MAGI2: variants seen among roughly 807,000 people sequenced by gnomAD.
The protein encoded by MAGI2 is membrane-associated guanylate kinase, WW and PDZ domain-containing protein 2.
Under a neutral mutation model 133.3 loss-of-function variants are expected in MAGI2, and 35 were observed. That is an observed-to-expected ratio of 0.26 (90% CI 0.20 to 0.35). MAGI2 has a LOEUF of 0.35. Ranked by LOEUF, MAGI2 falls within the 10% of genes least tolerant of loss-of-function variation. MAGI2 has a pLI of 1.00. For missense variants in MAGI2, 1,636 were observed against 1,863.4 expected (o/e 0.88, Z 2.25); for synonymous variants, 729 against 710.6 (o/e 1.03, Z -0.41).
At chr7:78,253,230 T>C (rs1792609724) in intron 10 of MAGI2, 1 of 152,196 alleles carries the variant, frequency 6.6e-6, no homozygotes, top group Non-Finnish European at 1.5e-5. Flanking sequence ...TGGAATACTA[T>C]GCAGCCATAA....
At chr7:78,746,328 T>G (rs1470400343) in intron 2 of MAGI2, among the ~76,000 whole-genome samples, 1 of 152,194 alleles carries the variant, frequency 6.6e-6, no homozygotes, top group Non-Finnish European at 1.5e-5. Context: ...TCAAATACAC[T>G]GCTCTTGGCT....
chr7:78,375,220 G>A (rs770312130), intron 6 of MAGI2, among the ~76,000 whole-genome samples: 10 of 152,010 alleles, frequency 6.6e-5, no homozygotes, highest in Middle Eastern at 3.4e-3. Context: ...TTTATTTTTT[G>A]TTGTCTTTCT....
intron 1 of MAGI2, among the ~76,000 whole-genome samples, chr7:79,317,618 T>C (rs1354099206): frequency 6.6e-6 from 1 of 152,212 alleles, no homozygotes; most frequent in Non-Finnish European, 1.5e-5. Flanking sequence ...TTCTATTTTT[T>C]CATACTGAGT....
At position 78,962,615 on chromosome 7, in the gene MAGI2, GA is replaced by G. The variant is rs368705362; in HGVS notation, c.418+44474del. On this transcript the variant is annotated intron_variant, in intron 2 of 21. Transcript: ENST00000354212. The stretch of plus-strand genomic sequence containing the variant: ...ACTCAACTGAAACTGGAAAATTGTA[GA>G]AAAAAAAAAGATTCTATGAATGTAA... Among the ~76,000 whole-genome samples the G allele has an allele frequency of 9.6e-4, 136 of 141,608 alleles. 3 individuals carry two copies. The highest frequency in any genetic ancestry group is 2.9e-3 in the African/African-American group (114 of 39,028). 92.9% of individuals were successfully genotyped at this position (141,608 alleles called of 152,430 possible). A position where few individuals can be genotyped will look rare whatever the true frequency, so the allele number is the denominator to read the frequency against.
intron 9 of MAGI2, among the ~76,000 whole-genome samples, chr7:78,265,080 GTTT>G (rs5885047): frequency 6.9e-6 from 1 of 145,472 alleles, no homozygotes; most frequent in African/African-American, 2.5e-5. Flanking sequence ...TTAAAAGCTT[GTTT>G]TTTTTTTTTA....
intron 9 of MAGI2, among the ~76,000 whole-genome samples, chr7:78,330,827 G>A (rs1789109100): frequency 6.6e-6 from 1 of 152,072 alleles, no homozygotes. Context: ...AGCTGAGGGA[G>A]GATCAGATAA....
intron 1 of MAGI2, among the ~76,000 whole-genome samples, chr7:79,300,257 T>G (rs1385053899): frequency 6.6e-6 from 1 of 152,160 alleles, no homozygotes; most frequent in Non-Finnish European, 1.5e-5. Context: ...TCTTGGAAAC[T>G]GGTAAAATGG....
In MAGI2 at chr7:79,091,305, T is replaced by C. The variant is rs138545106; in HGVS notation, c.302-84099A>G. Among the ~76,000 whole-genome samples, 3 of 152,228 alleles carry C rather than the reference T, an allele frequency of 2.0e-5. No individual in the cohort carries two copies. In the East Asian group the frequency reaches 5.8e-4, roughly 29 times the overall value. ...CCCTAAAAGAAATCTCACATTTCAA[T>C]AGTCTATGAAACGTCACACCAAGCA... is the stretch of plus-strand genomic sequence containing the variant. On this transcript the variant is annotated intron_variant, in intron 1 of 21. Transcript: ENST00000354212.
chr7:78,808,979 T>C (rs1788818052), intron 2 of MAGI2, among the ~76,000 whole-genome samples: 1 of 152,254 alleles, frequency 6.6e-6, no homozygotes, highest in African/African-American at 2.4e-5. Flanking sequence ...CAATTAAACA[T>C]GGCCCAGATT....
intron 9 of MAGI2, among the ~76,000 whole-genome samples, chr7:78,275,810 A>G (rs1347623362): frequency 6.6e-6 from 1 of 152,204 alleles, no homozygotes; most frequent in Non-Finnish European, 1.5e-5. Flanking sequence ...AATGAAAATA[A>G]TGGACTAGAA....
chr7:79,048,976 A>G (rs1169030309), intron 1 of MAGI2, among the ~76,000 whole-genome samples: 1 of 152,212 alleles, frequency 6.6e-6, no homozygotes, highest in Non-Finnish European at 1.5e-5. Flanking sequence ...TTGCCAAACA[A>G]AAACAGTTTA....
At position 78,228,640 on chromosome 7, in the gene MAGI2, A is replaced by G. The variant is rs984606839; in HGVS notation, c.2047+27303T>C. Among the ~76,000 whole-genome samples the G allele has an allele frequency of 2.6e-5, 4 of 152,364 alleles. No individual in the cohort carries two copies. The South Asian group carries it at 6.2e-4, about 24-fold the overall frequency. On this transcript the variant is annotated intron_variant, in intron 10 of 21. Coordinates refer to ENST00000354212, the MANE Select transcript of MAGI2 (RefSeq NM_012301.4). ...CAAAACTCAGGGTTTCCGAGTGTTT[A>G]TATTTAAAATACTTGTTATTGAGAA...
chr7:79,443,412 A>AAAAAC (rs1345400051), intron 1 of MAGI2, among the ~76,000 whole-genome samples: 12 of 152,048 alleles, frequency 7.9e-5, no homozygotes, highest in Non-Finnish European at 1.8e-4. Flanking sequence ...TCCTTCTTAA[A>AAAAAC]AAAACAAAAC....
chr7:78,600,787 TA>T (rs1014321782), intron 3 of MAGI2, among the ~76,000 whole-genome samples: 2 of 152,032 alleles, frequency 1.3e-5, no homozygotes, highest in Admixed American at 6.6e-5. Flanking sequence ...TTCATTAGAT[TA>T]GGAATCAGGT....
intron 21 of MAGI2, among the ~76,000 whole-genome samples, chr7:78,058,723 A>G (rs1262330196): frequency 6.6e-6 from 1 of 152,094 alleles, no homozygotes; most frequent in African/African-American, 2.4e-5. Flanking sequence ...TAATTCATTC[A>G]TAGTACTCTC....
chr7:78,645,640 G>GGT (rs59287974), intron 2 of MAGI2, among the ~76,000 whole-genome samples: 62,283 of 147,232 alleles, frequency 0.42, 14,602 homozygotes, highest in Middle Eastern at 0.6. Flanking sequence ...ATATAAGTGT[G>GGT]GTGTGTGTGT....
intron 1 of MAGI2, among the ~76,000 whole-genome samples, chr7:79,136,068 G>GAAAGAAAGAAGGAAAGAAA (rs1821480191): frequency 1.1e-5 from 1 of 94,620 alleles, no homozygotes; most frequent in African/African-American, 4.8e-5. Flanking sequence ...AAAGAAAGAA[G>GAAAGAAAGAAGGAAAGAAA]GAAAGAAAGA....
At chr7:79,316,119 G>C (rs374531726) in intron 1 of MAGI2, among the ~76,000 whole-genome samples, 40 of 152,104 alleles carry the variant, frequency 2.6e-4, no homozygotes, top group Admixed American at 1.2e-3. Flanking sequence ...TGGGGGGCCA[G>C]GTCAAGGCTG....
intron 3 of MAGI2, among the ~76,000 whole-genome samples, chr7:78,561,101 T>C (rs1434605973): frequency 2.0e-5 from 3 of 152,050 alleles, no homozygotes; most frequent in African/African-American, 7.2e-5. Context: ...ATAAAATCTT[T>C]GGAGTAAATG....
Sources: allele counts gnomAD v4.1 joint callset (sites outside exome capture counted in the v4.1 genomes callset), GRCh38; gene constraint gnomAD v4.1.1; transcripts MANE v1.5; gene names NCBI Gene and HGNC (gene_info 2026-07-23, HGNC 2026-07-21).